The following HSD11B1 variants were observed in gnomAD, a reference collection of about 807,000 sequenced individuals.
HSD11B1 encodes 11-beta-hydroxysteroid dehydrogenase 1.
In HSD11B1, 15 loss-of-function variants were observed where a neutral mutation model predicts 22.1. The ratio of observed to expected loss-of-function variants is 0.68; its 90% CI spans 0.45 to 1.04. HSD11B1 has a LOEUF of 1.04. HSD11B1 is among the 50% of genes least tolerant of loss of function. The pLI, the probability that HSD11B1 is intolerant of heterozygous loss-of-function variation, is 0.00. For synonymous variants in HSD11B1, 122 were observed against 125.2 expected (o/e 0.97, Z 0.17); for missense variants, 281 against 357.6 (o/e 0.79, Z 1.73).
chr1:209,731,679 A>T (rs550827792), intron 4 of HSD11B1, among the ~76,000 whole-genome samples: 23 of 152,264 alleles, frequency 1.5e-4, no homozygotes, highest in African/African-American at 4.8e-4. Flanking sequence ...CATTTTTTTT[A>T]AAAAGCGGCT....
At chr1:209,722,854 G>A (rs1005534525) in intron 4 of HSD11B1, among the ~76,000 whole-genome samples, 2 of 152,188 alleles carry the variant, frequency 1.3e-5, no homozygotes, top group African/African-American at 4.8e-5. Flanking sequence ...AATTAAAGCA[G>A]TCTAAAATCC....
At chr1:209,729,719 C>T (rs2077024464) in intron 4 of HSD11B1, among the ~76,000 whole-genome samples, 1 of 152,044 alleles carries the variant, frequency 6.6e-6, no homozygotes, top group South Asian at 2.1e-4. Context: ...AACACAGATG[C>T]AAAAATCCTC....
At chr1:209,717,940 G>C (rs1206590769) in intron 4 of HSD11B1, among the ~76,000 whole-genome samples, 6 of 150,052 alleles carry the variant, frequency 4.0e-5, no homozygotes, top group African/African-American at 1.5e-4. Context: ...GTCATTTGCA[G>C]TAATGTGGAT....
Position 209,734,605 on chromosome 1 carries a change from C to A in HSD11B1, c.*84C>A. On this transcript the variant is annotated 3_prime_UTR_variant, in exon 6 of 6. Coordinates refer to ENST00000367027, the MANE Select transcript of HSD11B1 (RefSeq NM_005525.4). ...TCTGAGCTCTTATCTATGAAGACAT[C>A]TTCCCAGAGTGTCCCCAGAGACATG... 6 of 1,037,846 alleles carry A rather than the reference C, an allele frequency of 5.8e-6. No homozygotes were observed. The highest frequency in any genetic ancestry group is 5.1e-5 in the South Asian group (4 of 78,418). 64.3% of individuals were successfully genotyped at this position (1,037,846 alleles called of 1,614,324 possible). A position where few individuals can be genotyped will look rare whatever the true frequency, so the allele number is the denominator to read the frequency against.
chr1:209,691,614 ATGAAG>A (rs2076760159), intron 1 of HSD11B1, among the ~76,000 whole-genome samples: 1 of 152,238 alleles, frequency 6.6e-6, no homozygotes, highest in South Asian at 2.1e-4. Flanking sequence ...ACAAATCAAA[ATGAAG>A]TGATTATTAA....
rs1046745898 is a variant in HSD11B1, at chr1:209,734,857, A to C, written c.*336A>C. The C allele has an allele frequency of 6.3e-6, 1 of 158,752 alleles. No individual in the cohort carries two copies. The highest frequency in any genetic ancestry group is 1.4e-5 in the Non-Finnish European group (1 of 72,312). 9.8% of individuals were successfully genotyped at this position (158,752 alleles called of 1,614,324 possible). A position where few individuals can be genotyped will look rare whatever the true frequency, so the allele number is the denominator to read the frequency against. On this transcript the variant is annotated 3_prime_UTR_variant, in exon 6 of 6. Transcript: ENST00000367027. ...AATAAAGGTCACATAAACTTTATAA[A>C]TTCATAACTGGTAGCTATAACTTGA...
At chr1:209,695,019 G>A (rs1024567755) in intron 1 of HSD11B1, among the ~76,000 whole-genome samples, 2 of 152,178 alleles carry the variant, frequency 1.3e-5, no homozygotes, top group Non-Finnish European at 2.9e-5. Flanking sequence ...GATTATGGGG[G>A]TTCCCCCATA....
chr1:209,732,624 G>T (rs763422690), intron 5 of HSD11B1, 45 bp downstream of exon 5: 2 of 1,517,912 alleles, frequency 1.3e-6, no homozygotes, highest in South Asian at 2.2e-5. Context: ...TATACTTTAA[G>T]TTCTAGGGTA....
intron 4 of HSD11B1, among the ~76,000 whole-genome samples, chr1:209,721,787 T>A (rs1017535843): frequency 4.6e-5 from 7 of 152,184 alleles, no homozygotes; most frequent in Non-Finnish European, 8.8e-5. Flanking sequence ...GGGAAGCCAA[T>A]CCTTGGACTA....
At chr1:209,712,758 A>G (rs568398897) in intron 4 of HSD11B1, among the ~76,000 whole-genome samples, 7 of 152,320 alleles carry the variant, frequency 4.6e-5, no homozygotes, top group East Asian at 3.9e-4. Context: ...AGCCTTAAGA[A>G]TGTTTCCTTT....
chr1:209,695,972 G>T (rs2076788880), intron 1 of HSD11B1, among the ~76,000 whole-genome samples: 1 of 152,194 alleles, frequency 6.6e-6, no homozygotes, highest in Non-Finnish European at 1.5e-5. Flanking sequence ...AATTCCAAAT[G>T]TCTGTGAACT....
chr1:209,711,086 TG>T (rs1345025384), intron 4 of HSD11B1, among the ~76,000 whole-genome samples: 1 of 152,234 alleles, frequency 6.6e-6, no homozygotes, highest in Non-Finnish European at 1.5e-5. Context: ...TTAACCTATT[TG>T]TCAGTGGAGG....
At chr1:209,695,244 C>T (rs1210277524) in intron 1 of HSD11B1, among the ~76,000 whole-genome samples, 1 of 152,152 alleles carries the variant, frequency 6.6e-6, no homozygotes, top group African/African-American at 2.4e-5. Flanking sequence ...ATATAAATTA[C>T]CCAGTCTCAG....
upstream of HSD11B1, among the ~76,000 whole-genome samples, chr1:209,700,772 C>T (rs180964071): frequency 2.1e-3 from 316 of 152,298 alleles, no homozygotes; most frequent in Non-Finnish European, 3.4e-3. Context: ...CTCTTGAATG[C>T]TTTGCTGCTT....
In HSD11B1 at chr1:209,707,118, C is replaced by T. The variant is rs758006719; in HGVS notation, c.507C>T (p.Ser169=). The T allele has an allele frequency of 2.5e-6, 4 of 1,613,762 alleles. No individual in the cohort carries two copies. The East Asian group carries it at 6.7e-5, about 27-fold the overall frequency. Residue 169 remains serine (S), a synonymous_variant, in exon 4 of 6, where the codon TCC becomes TCT. Coordinates refer to ENST00000367027, the MANE Select transcript of HSD11B1 (RefSeq NM_005525.4). ...KQSNGSIVVV[S]SLAGKVAYPM... ...GCAATGGAAGCATTGTTGTCGTCTC[C>T]TCTCTGGCTGGTAAGTGGGACAGGG...
At chr1:209,725,288 T>C (rs993021196) in intron 4 of HSD11B1, among the ~76,000 whole-genome samples, 1 of 152,156 alleles carries the variant, frequency 6.6e-6, no homozygotes, top group Non-Finnish European at 1.5e-5. Context: ...AAAGAAAAAA[T>C]ACAATAAACT....
At chr1:209,694,723 T>A (rs561217273) in intron 1 of HSD11B1, among the ~76,000 whole-genome samples, 1 of 152,370 alleles carries the variant, frequency 6.6e-6, no homozygotes, top group South Asian at 2.1e-4. Flanking sequence ...ATTCATGTCT[T>A]AAGTTGGATG....
chr1:209,732,396 G>A, intron 4 of HSD11B1, 40 bp from the exon 5 acceptor site: 2 of 1,612,830 alleles, frequency 1.2e-6, no homozygotes, highest in Non-Finnish European at 8.5e-7. Context: ...AAGGTGAAAT[G>A]GGCAGCCTTA....
In HSD11B1 at chr1:209,690,847, T is replaced by A. The variant is rs184718143; in HGVS notation, c.-49+4562T>A. ...TAAAAGATCAGCTCAGGAGCTCTAA[T>A]ATCTTCTATTAAGAAGTCCAAAAAG... On this transcript the variant is annotated intron_variant, in intron 1 of 6. Coordinates refer to the HSD11B1 transcript ENST00000261465. Among the ~76,000 whole-genome samples, 260 of 152,202 alleles carry A rather than the reference T, an allele frequency of 1.7e-3. 3 individuals carry two copies. The highest frequency in any genetic ancestry group is 6.0e-3 in the African/African-American group (251 of 41,536).
Sources: allele counts gnomAD v4.1 joint callset (sites outside exome capture counted in the v4.1 genomes callset), GRCh38; gene constraint gnomAD v4.1.1; transcripts MANE v1.5; gene names NCBI Gene and HGNC (gene_info 2026-07-23, HGNC 2026-07-21).